Variants in NCOA7 observed in about 807,000 individuals in gnomAD.
NCOA7 encodes 140 kDa estrogen receptor-associated protein.
In NCOA7, 45 loss-of-function variants were observed where a neutral mutation model predicts 104.3. The observed-to-expected ratio is 0.43, with a 90% CI of 0.34 to 0.55. NCOA7 has a LOEUF of 0.55. NCOA7 is among the 20% of genes least tolerant of loss of function. The pLI, the probability that NCOA7 is intolerant of heterozygous loss-of-function variation, is 0.02. For synonymous variants in NCOA7, 398 were observed against 402.3 expected, an observed-to-expected ratio of 0.99 and a Z score of 0.13; for missense variants, 1,041 against 1,119.7, an observed-to-expected ratio of 0.93 and a Z score of 1.00.
chr6:125,871,982 G>C (rs982267411), intron 3 of NCOA7, among the ~76,000 whole-genome samples: 3 of 144,084 alleles, frequency 2.1e-5, no homozygotes, highest in African/African-American at 8.1e-5. Flanking sequence ...GGGTGACAGA[G>C]GGAGACCCTG....
intron 2 of NCOA7, among the ~76,000 whole-genome samples, chr6:125,828,691 G>A (rs188088721): frequency 9.2e-5 from 14 of 152,290 alleles, no homozygotes; most frequent in Admixed American, 2.6e-4. Flanking sequence ...AAGAAGCAAG[G>A]CAGGAGAGGA....
intron 2 of NCOA7, among the ~76,000 whole-genome samples, chr6:125,850,572 A>G (rs1318835091): frequency 2.0e-5 from 3 of 152,350 alleles, no homozygotes; most frequent in African/African-American, 7.2e-5. Flanking sequence ...ATCAAAGCAC[A>G]TGCCCCAGAT....
intron 10 of NCOA7, among the ~76,000 whole-genome samples, chr6:125,911,059 A>G (rs1241526407): frequency 6.6e-6 from 1 of 152,246 alleles, no homozygotes; most frequent in Non-Finnish European, 1.5e-5. Flanking sequence ...GAGGACCATC[A>G]TTATTGTATG....
At chr6:125,916,574 T>C (rs1257264043) in intron 11 of NCOA7, among the ~76,000 whole-genome samples, 1 of 152,252 alleles carries the variant, frequency 6.6e-6, no homozygotes, top group African/African-American at 2.4e-5. Flanking sequence ...CTTCCTGTTC[T>C]GCTGCTCTCT....
At chr6:125,876,801 T>C (rs1359574315) in intron 4 of NCOA7, among the ~76,000 whole-genome samples, 25 of 152,146 alleles carry the variant, frequency 1.6e-4, no homozygotes, top group Admixed American at 1.6e-3. Context: ...CTTACCCGAT[T>C]GCTTTTACTA....
At chr6:125,915,877 A>G (rs1368966017) in intron 11 of NCOA7, among the ~76,000 whole-genome samples, 1 of 152,228 alleles carries the variant, frequency 6.6e-6, no homozygotes, top group Non-Finnish European at 1.5e-5. Flanking sequence ...ATGAATGAGC[A>G]TGACTGTGTT....
intron 1 of NCOA7, among the ~76,000 whole-genome samples, chr6:125,805,069 TG>T: frequency 6.8e-6 from 1 of 146,922 alleles, no homozygotes; most frequent in Admixed American, 6.8e-5. Flanking sequence ...GCCATAAAGC[TG>T]GGTTCACCCT....
At chr6:125,904,379 A>T (rs1022300780) in intron 10 of NCOA7, among the ~76,000 whole-genome samples, 2 of 152,054 alleles carry the variant, frequency 1.3e-5, no homozygotes, top group African/African-American at 4.8e-5. Context: ...GGTATCCTGC[A>T]TCTCTGTCCT....
intron 1 of NCOA7, among the ~76,000 whole-genome samples, chr6:125,802,813 C>T (rs1448131660): frequency 6.6e-6 from 1 of 152,176 alleles, no homozygotes; most frequent in Admixed American, 6.5e-5. Flanking sequence ...GATTTCTTAA[C>T]CCAGTCTGCT....
At chr6:125,838,235 A>G (rs1779798856) in intron 2 of NCOA7, among the ~76,000 whole-genome samples, 1 of 152,186 alleles carries the variant, frequency 6.6e-6, no homozygotes, top group Admixed American at 6.5e-5. Context: ...GGTCACGGAA[A>G]GAATGGGGCT....
chr6:125,888,718 A>G (rs1233872270), intron 8 of NCOA7, among the ~76,000 whole-genome samples: 2 of 152,102 alleles, frequency 1.3e-5, no homozygotes, highest in Non-Finnish European at 2.9e-5. Flanking sequence ...CTCATGGTTC[A>G]TTCTTTCTCC....
At chr6:125,885,688 G>A (rs1393754509) in intron 8 of NCOA7, among the ~76,000 whole-genome samples, 3 of 152,166 alleles carry the variant, frequency 2.0e-5, no homozygotes, top group Non-Finnish European at 2.9e-5. Context: ...ATCAATAAGA[G>A]AATAATGTTT....
chr6:125,922,932 CCA>C, intron 13 of NCOA7, 98 bp downstream of exon 13: 1 of 1,126,414 alleles, frequency 8.9e-7, no homozygotes, highest in Non-Finnish European at 1.2e-6. Flanking sequence ...CACCCAGATT[CCA>C]CAGTTAACAG....
chr6:125,830,183 T>C (rs986629802), intron 2 of NCOA7, among the ~76,000 whole-genome samples: 1 of 152,216 alleles, frequency 6.6e-6, no homozygotes, highest in African/African-American at 2.4e-5. Flanking sequence ...CCTTGTTACT[T>C]CGAATCCATA....
intron 1 of NCOA7, among the ~76,000 whole-genome samples, chr6:125,798,899 C>T (rs1775599777): frequency 1.3e-5 from 2 of 152,050 alleles, no homozygotes; most frequent in South Asian, 2.1e-4. Context: ...TCTCTTCCTC[C>T]TTTTAAAGCT....
intron 8 of NCOA7, among the ~76,000 whole-genome samples, chr6:125,886,232 G>A (rs1287839607): frequency 6.6e-6 from 1 of 150,952 alleles, no homozygotes; most frequent in African/African-American, 2.4e-5. Flanking sequence ...GATTCCCCTG[G>A]ACTCCTACAG....
At chr6:125,928,300 A>G (rs1423298983) in intron 15 of NCOA7, 53 bp downstream of exon 15, 2 of 1,511,758 alleles carry the variant, frequency 1.3e-6, no homozygotes, top group Non-Finnish European at 9.1e-7. Context: ...ACCTGACCTG[A>G]GTGGGTCTGT....
At chr6:125,873,161 T>C (rs1318480103) in intron 3 of NCOA7, among the ~76,000 whole-genome samples, 2 of 152,136 alleles carry the variant, frequency 1.3e-5, no homozygotes, top group Non-Finnish European at 2.9e-5. Flanking sequence ...TCCGTGTGTG[T>C]GTATGTGTGC....
chr6:125,844,726 T>C (rs1780450150), intron 2 of NCOA7, among the ~76,000 whole-genome samples: 1 of 152,160 alleles, frequency 6.6e-6, no homozygotes, highest in Admixed American at 6.6e-5. Context: ...TTATGTAGAG[T>C]GAGAAAAAGG....
Sources: allele counts gnomAD v4.1 joint callset (sites outside exome capture counted in the v4.1 genomes callset), GRCh38; gene constraint gnomAD v4.1.1; transcripts MANE v1.5; gene names NCBI Gene and HGNC (gene_info 2026-07-23, HGNC 2026-07-21).